The following MAP4K3 variants were observed in gnomAD, a reference collection of about 807,000 sequenced individuals.
MAP4K3 encodes the protein mitogen-activated protein kinase kinase kinase kinase 3.
MAP4K3 carries 94 observed loss-of-function variants against 143.5 expected under a neutral mutation model. The observed-to-expected ratio is 0.65, with a 90% CI of 0.55 to 0.78. MAP4K3 has a LOEUF of 0.78. Among genes scored for constraint, MAP4K3 ranks in the 30% least tolerant of loss-of-function variants. The pLI is 0.00. For missense variants in MAP4K3, 1,077 were observed against 1,068.1 expected, an observed-to-expected ratio of 1.01 and a Z score of -0.12; for synonymous variants, 416 against 347.2, an observed-to-expected ratio of 1.20 and a Z score of -2.20.
chr2:39,313,475 CTTTCT>C (rs1683008894), intron 13 of MAP4K3, among the ~76,000 whole-genome samples: 1 of 151,398 alleles, frequency 6.6e-6, no homozygotes, highest in Non-Finnish European at 1.5e-5. Context: ...TCCTTCCTTC[CTTTCT>C]TTTTCTTTTC....
At chr2:39,330,476 A>T (rs1013007671) in intron 8 of MAP4K3, among the ~76,000 whole-genome samples, 5 of 152,194 alleles carry the variant, frequency 3.3e-5, no homozygotes, top group African/African-American at 9.6e-5. Context: ...ACAAAAAGGA[A>T]GGAGTACATC....
intron 12 of MAP4K3, among the ~76,000 whole-genome samples, chr2:39,317,864 T>C (rs569013856): frequency 6.6e-6 from 1 of 152,190 alleles, no homozygotes; most frequent in African/African-American, 2.4e-5. Flanking sequence ...TCAAAGAACT[T>C]AGAACAACCA....
intron 1 of MAP4K3, among the ~76,000 whole-genome samples, chr2:39,435,761 T>G (rs1261633877): frequency 6.6e-6 from 1 of 152,188 alleles, no homozygotes; most frequent in Non-Finnish European, 1.5e-5. Context: ...ACATTGTAGG[T>G]GGGCTCAATA....
chr2:39,340,643 T>C (rs1398687410), intron 4 of MAP4K3, among the ~76,000 whole-genome samples: 1 of 152,134 alleles, frequency 6.6e-6, no homozygotes, highest in African/African-American at 2.4e-5. Flanking sequence ...CATATGGATA[T>C]ATGATGAAAT....
At chr2:39,368,423 T>C (rs766192144) in intron 2 of MAP4K3, among the ~76,000 whole-genome samples, 6 of 152,090 alleles carry the variant, frequency 3.9e-5, no homozygotes, top group Admixed American at 1.3e-4. Flanking sequence ...TCTCAGAACA[T>C]TGGGAGGCCA....
At chr2:39,423,742 G>C (rs1349749825) in intron 1 of MAP4K3, among the ~76,000 whole-genome samples, 1 of 152,210 alleles carries the variant, frequency 6.6e-6, no homozygotes, top group Non-Finnish European at 1.5e-5. Context: ...AAAAAGATCA[G>C]TGGCTGCCTG....
At chr2:39,415,043 G>A (rs1009507103) in intron 1 of MAP4K3, among the ~76,000 whole-genome samples, 2 of 152,120 alleles carry the variant, frequency 1.3e-5, no homozygotes, top group East Asian at 1.9e-4. Context: ...AGTTCAAGAG[G>A]TTATAAGCAA....
At chr2:39,289,985 G>C (rs1443942451) in intron 19 of MAP4K3, among the ~76,000 whole-genome samples, 1 of 151,712 alleles carries the variant, frequency 6.6e-6, no homozygotes, top group African/African-American at 2.4e-5. Context: ...TACTGGGGAG[G>C]CTGAGGCAGG....
intron 14 of MAP4K3, 37 bp from the exon 15 acceptor site, chr2:39,308,042 G>A (rs764233350): frequency 6.8e-6 from 10 of 1,461,362 alleles, no homozygotes; most frequent in South Asian, 5.1e-5. Context: ...AGTTATTTAC[G>A]CTTAGACTAA....
chr2:39,379,658 T>A (rs1293708624), intron 1 of MAP4K3: 1 of 163,464 alleles, frequency 6.1e-6, no homozygotes, highest in African/African-American at 2.4e-5. Flanking sequence ...CCTCACACTT[T>A]GATATCTTTT....
rs1039678969 is a variant in MAP4K3 at position 39,391,403 on chromosome 2, C to G, written c.97-13280G>C. Among the ~76,000 whole-genome samples the G allele has an allele frequency of 3.0e-5, 4 of 134,260 alleles. No homozygotes were observed. In the South Asian group the frequency reaches 1.1e-3, roughly 36 times the overall value. The allele number at this position is 134,260 out of a possible 152,430, so 88.1% of individuals were successfully genotyped here. On this transcript the variant is annotated intron_variant, in intron 1 of 33. Coordinates refer to ENST00000263881, the MANE Select transcript of MAP4K3 (RefSeq NM_003618.4). The stretch of plus-strand genomic sequence containing the variant: ...AAAAGAAAGAAAGAAAGAATATATA[C>G]TATACTCTCCTCCTAGAGATCAACT...
chr2:39,394,713 T>C lies in MAP4K3; in HGVS notation c.97-16590A>G, dbSNP rs531064662. On this transcript the variant is annotated intron_variant, in intron 1 of 33. Coordinates refer to ENST00000263881, the MANE Select transcript of MAP4K3 (RefSeq NM_003618.4). ...GAGAAAGAAATGTAACACCAGATTA[T>C]GGAGAAACGAAGAGGGCAACTTCAG... Among the ~76,000 whole-genome samples the C allele has an allele frequency of 2.2e-4, 33 of 152,192 alleles. 1 individual carries two copies. In the South Asian group the frequency reaches 5.0e-3, roughly 23 times the overall value.
chr2:39,374,000 G>A (rs527305130), intron 2 of MAP4K3, among the ~76,000 whole-genome samples: 1 of 152,324 alleles, frequency 6.6e-6, no homozygotes, highest in African/African-American at 2.4e-5. Context: ...TACTTGAGAT[G>A]ACAGATATCC....
intron 13 of MAP4K3, among the ~76,000 whole-genome samples, chr2:39,313,765 G>A (rs1206161366): frequency 1.3e-5 from 2 of 152,160 alleles, no homozygotes; most frequent in Middle Eastern, 3.4e-3. Context: ...CACCCGCCTC[G>A]GCCTCCCAAA....
intron 21 of MAP4K3, among the ~76,000 whole-genome samples, chr2:39,284,770 G>A (rs1297276665): frequency 3.3e-5 from 5 of 151,812 alleles, no homozygotes; most frequent in Non-Finnish European, 5.9e-5. Context: ...CTTGAACCCA[G>A]AAGGTGGAGG....
intron 15 of MAP4K3, among the ~76,000 whole-genome samples, chr2:39,304,756 C>A (rs1682637913): frequency 6.6e-6 from 1 of 152,124 alleles, no homozygotes; most frequent in Non-Finnish European, 1.5e-5. Context: ...ATTTGTATAT[C>A]CATGTTTATA....
intron 1 of MAP4K3, among the ~76,000 whole-genome samples, chr2:39,410,955 C>A (rs560654229): frequency 1.3e-5 from 2 of 152,112 alleles, no homozygotes; most frequent in Non-Finnish European, 2.9e-5. Flanking sequence ...ATTAAATACA[C>A]CTTTGAGAAA....
rs763506797 is a variant in MAP4K3, at chr2:39,326,259, T to A, written c.549A>T (p.Ala183=). 1 of 1,613,864 alleles carries A rather than the reference T, an allele frequency of 6.2e-7. No homozygotes were observed. The highest frequency in any genetic ancestry group is 1.3e-5 in the African/African-American group (1 of 75,038). The change falls in exon 9 of 34, where the codon GCA becomes GCT. Residue 183 remains alanine (A), a synonymous_variant. Coordinates refer to ENST00000263881, the MANE Select transcript of MAP4K3 (RefSeq NM_003618.4). ...TGTAACCCCCCTTCCTCTCAACAGC[T>A]GCAACTTCTGGAGCCATCCTGAAAT... ...GTPYWMAPEV[A]AVERKGGYNQ... is the part of the protein sequence containing the mutation.
intron 12 of MAP4K3, among the ~76,000 whole-genome samples, chr2:39,319,961 T>C (rs1376279806): frequency 6.6e-6 from 1 of 152,210 alleles, no homozygotes; most frequent in East Asian, 1.9e-4. Context: ...TCCCCAATTC[T>C]TTGACCATTA....
Sources: gnomAD v4.1 joint callset for allele counts (sites outside exome capture counted in the v4.1 genomes callset) on GRCh38, gnomAD v4.1.1 for gene constraint, MANE v1.5 for transcripts, NCBI Gene and HGNC (gene_info 2026-07-23, HGNC 2026-07-21) for gene names.